Variants in DNAJC1 observed in about 807,000 individuals in gnomAD.
DNAJC1 encodes dnaJ homolog subfamily C member 1.
In DNAJC1, 58 loss-of-function variants were observed where a neutral mutation model predicts 76.6. The ratio of observed to expected loss-of-function variants is 0.76; its 90% CI spans 0.61 to 0.94. DNAJC1 has a LOEUF of 0.94. Ranked by LOEUF, DNAJC1 falls within the 40% of genes least tolerant of loss-of-function variation. DNAJC1 has a pLI of 0.00. For synonymous variants in DNAJC1, 258 were observed against 267.9 expected, an observed-to-expected ratio of 0.96 and a Z score of 0.36; for missense variants, 689 against 677.3, an observed-to-expected ratio of 1.02 and a Z score of -0.19.
At chr10:21,795,790 T>C (rs546532501) in intron 9 of DNAJC1, among the ~76,000 whole-genome samples, 2 of 152,242 alleles carry the variant, frequency 1.3e-5, no homozygotes, top group Non-Finnish European at 2.9e-5. Context: ...ACTCTCTATT[T>C]CTCCCTCCCT....
At chr10:21,781,493 G>A (rs868556368) in intron 9 of DNAJC1, among the ~76,000 whole-genome samples, 1 of 151,992 alleles carries the variant, frequency 6.6e-6, no homozygotes. Context: ...AGGCAGAGGC[G>A]GGCAGATCAC....
At chr10:21,816,638 C>T (rs548835529) in intron 8 of DNAJC1, among the ~76,000 whole-genome samples, 4 of 150,604 alleles carry the variant, frequency 2.7e-5, no homozygotes, top group Admixed American at 1.3e-4. Flanking sequence ...CTCCGCCTCC[C>T]GGGTTCACGC....
intron 1 of DNAJC1, among the ~76,000 whole-genome samples, chr10:21,989,033 G>C (rs1348443560): frequency 2.0e-5 from 3 of 152,078 alleles, no homozygotes; most frequent in Non-Finnish European, 2.9e-5. Context: ...TTTTAGAAAT[G>C]CTACTTGACT....
intron 9 of DNAJC1, among the ~76,000 whole-genome samples, chr10:21,800,726 G>A (rs556055861): frequency 6.6e-6 from 1 of 152,080 alleles, no homozygotes; most frequent in Admixed American, 6.5e-5. Flanking sequence ...AAACGCTAAA[G>A]TCTCTAGAAT....
In DNAJC1 at chr10:21,921,791, T is replaced by A. The variant is rs377654863; in HGVS notation, c.372-828A>T. ...AGTTACTTTAAAATAAATTTTCAAC[T>A]CAATTTAAATTTACTTGTCAGACAA... On this transcript the variant is annotated intron_variant, in intron 3 of 11. Transcript: ENST00000376980. 2.6e-5 allele frequency among the ~76,000 whole-genome samples: 4 copies of A among 152,154 alleles called. No homozygotes were observed. In the East Asian group the frequency reaches 7.7e-4, roughly 29 times the overall value.
chr10:21,836,267 AG>A (rs1835451930), intron 8 of DNAJC1, among the ~76,000 whole-genome samples: 1 of 152,196 alleles, frequency 6.6e-6, no homozygotes, highest in South Asian at 2.1e-4. Context: ...TTTACAGACA[AG>A]CAAATGCTGA....
intron 1 of DNAJC1, among the ~76,000 whole-genome samples, chr10:21,988,256 T>G (rs187888910): frequency 6.6e-6 from 1 of 152,154 alleles, no homozygotes; most frequent in African/African-American, 2.4e-5. Flanking sequence ...TTATCCATGT[T>G]AGAAAGGCAT....
At chr10:21,880,145 A>C (rs1836249681) in intron 8 of DNAJC1, among the ~76,000 whole-genome samples, 1 of 152,158 alleles carries the variant, frequency 6.6e-6, no homozygotes, top group Non-Finnish European at 1.5e-5. Context: ...TTCAAGTTTG[A>C]CCATGGGATT....
At chr10:21,813,113 A>ATG (rs1835000284) in intron 8 of DNAJC1, among the ~76,000 whole-genome samples, 1 of 145,174 alleles carries the variant, frequency 6.9e-6, no homozygotes, top group African/African-American at 2.5e-5. Context: ...ATATATATAT[A>ATG]TATACAGCTT....
intron 8 of DNAJC1, among the ~76,000 whole-genome samples, chr10:21,817,943 T>C (rs1835101343): frequency 1.3e-5 from 2 of 152,172 alleles, no homozygotes; most frequent in Admixed American, 1.3e-4. Flanking sequence ...CTCAGGACCA[T>C]GTGATGATTG....
rs1275634170 is a variant in DNAJC1, at chr10:21,834,755, T to C, written c.979-28656A>G. 3.3e-5 allele frequency among the ~76,000 whole-genome samples: 5 copies of C among 152,230 alleles called. No homozygotes were observed. In the South Asian group the frequency reaches 1.0e-3, roughly 32 times the overall value. ...AGCAGTCTGAGATCAAACTGCAAGG[T>C]GGCAGCGAGGCTGGGGGAGGGGCAC... On this transcript the variant is annotated intron_variant, in intron 8 of 11. Coordinates refer to ENST00000376980, the MANE Select transcript of DNAJC1 (RefSeq NM_022365.4).
In DNAJC1 at chr10:21,943,908, C is replaced by CAAA. The variant is rs554420219; in HGVS notation, c.223-14770_223-14768dup. Among the ~76,000 whole-genome samples, 4 of 121,996 alleles carry CAAA rather than the reference C, an allele frequency of 3.3e-5. No individual in the cohort carries two copies. The East Asian group carries it at 9.4e-4, about 29-fold the overall frequency. 80.0% of individuals were successfully genotyped at this position (121,996 alleles called of 152,430 possible). A position where few individuals can be genotyped will look rare whatever the true frequency, so the allele number is the denominator to read the frequency against. ...TGGTTTCAAATCCATGCCACATCAG[C>CAAA]AAAAAAAAAAAAAATGGATAGGCAC... On this transcript the variant is annotated intron_variant, in intron 1 of 11. Coordinates refer to ENST00000376980, the MANE Select transcript of DNAJC1 (RefSeq NM_022365.4).
intron 9 of DNAJC1, among the ~76,000 whole-genome samples, chr10:21,802,235 G>A (rs563298494): frequency 1.3e-5 from 2 of 152,206 alleles, no homozygotes; most frequent in South Asian, 2.1e-4. Flanking sequence ...CTGGTACAGC[G>A]GCAGTGAGGA....
At chr10:21,787,164 C>T (rs1374662701) in intron 9 of DNAJC1, among the ~76,000 whole-genome samples, 1 of 152,056 alleles carries the variant, frequency 6.6e-6, no homozygotes, top group South Asian at 2.1e-4. Flanking sequence ...CTTGTTTCTA[C>T]TAAAAGTACA....
chr10:21,987,464 T>TGGA (rs1367901842), intron 1 of DNAJC1, among the ~76,000 whole-genome samples: 13 of 152,310 alleles, frequency 8.5e-5, no homozygotes, highest in East Asian at 7.7e-4. Context: ...CACTAAACTG[T>TGGA]GGTCTCATCC....
At chr10:21,948,408 T>C (rs1371783328) in intron 1 of DNAJC1, among the ~76,000 whole-genome samples, 1 of 152,212 alleles carries the variant, frequency 6.6e-6, no homozygotes, top group East Asian at 1.9e-4. Flanking sequence ...TACTTAGATA[T>C]AATATCACAA....
intron 8 of DNAJC1, among the ~76,000 whole-genome samples, chr10:21,816,806 A>G (rs1433335343): frequency 7.1e-6 from 1 of 140,732 alleles, no homozygotes; most frequent in African/African-American, 2.6e-5. Context: ...TGGCCTCCCA[A>G]AGTGCTGGGA....
At chr10:21,966,260 G>C (rs1358011781) in intron 1 of DNAJC1, among the ~76,000 whole-genome samples, 1 of 152,098 alleles carries the variant, frequency 6.6e-6, no homozygotes, top group Non-Finnish European at 1.5e-5. Flanking sequence ...CTTGGTTAAA[G>C]TGGTATTTGC....
At chr10:21,983,331 A>C (rs748621166) in intron 1 of DNAJC1, among the ~76,000 whole-genome samples, 1 of 152,232 alleles carries the variant, frequency 6.6e-6, no homozygotes, top group African/African-American at 2.4e-5. Flanking sequence ...ACCTGAAGAC[A>C]TTATGAAGAC....
Sources: allele counts gnomAD v4.1 joint callset (sites outside exome capture counted in the v4.1 genomes callset), GRCh38; gene constraint gnomAD v4.1.1; transcripts MANE v1.5; gene names NCBI Gene and HGNC (gene_info 2026-07-23, HGNC 2026-07-21).